The following PDE10A variants were observed in gnomAD, a reference collection of about 807,000 sequenced individuals.
PDE10A encodes the protein cAMP and cAMP-inhibited cGMP 3',5'-cyclic phosphodiesterase 10A.
Under a neutral mutation model 97.7 loss-of-function variants are expected in PDE10A, and 39 were observed. That is an observed-to-expected ratio of 0.40 (90% CI 0.31 to 0.52). The LOEUF (loss-of-function observed/expected upper bound fraction) is 0.52. Among genes scored for constraint, PDE10A ranks in the 20% least tolerant of loss-of-function variants. The probability of loss-of-function intolerance (pLI) is 0.56; values close to 1 mark genes in which losing one functional copy is unlikely to be tolerated. For synonymous variants in PDE10A, 371 were observed against 376.8 expected (o/e 0.98, Z 0.18); for missense variants, 731 against 1,047.8 (o/e 0.70, Z 4.17).
chr6:165,746,558 A>G (rs542220102), intron 1 of PDE10A, among the ~76,000 whole-genome samples: 1 of 152,330 alleles, frequency 6.6e-6, no homozygotes, highest in South Asian at 2.1e-4. Flanking sequence ...GTGTGTCCCG[A>G]GTGCCAGACC....
intron 3 of PDE10A, among the ~76,000 whole-genome samples, chr6:165,473,036 T>C (rs1779101995): frequency 6.6e-6 from 1 of 152,114 alleles, no homozygotes; most frequent in African/African-American, 2.4e-5. Flanking sequence ...TATACATAAA[T>C]ATAACCAGTC....
chr6:165,948,495 C>G (rs952029193), intron 1 of PDE10A: 2 of 152,382 alleles, frequency 1.3e-5, no homozygotes, highest in Admixed American at 6.5e-5. Context: ...GAGGAGACCT[C>G]ATGGAGTGCT....
At chr6:165,353,231 G>A (rs1322842671) in intron 18 of PDE10A, among the ~76,000 whole-genome samples, 1 of 152,148 alleles carries the variant, frequency 6.6e-6, no homozygotes, top group Non-Finnish European at 1.5e-5. Context: ...ATTCATTGCT[G>A]GTGGGAATGC....
intron 2 of PDE10A, among the ~76,000 whole-genome samples, chr6:165,521,127 G>A (rs1782105515): frequency 6.6e-6 from 1 of 152,094 alleles, no homozygotes; most frequent in African/African-American, 2.4e-5. Flanking sequence ...CTGTTATAGT[G>A]ATCTGTAATC....
At chr6:165,646,967 A>G (rs979984773) in intron 1 of PDE10A, among the ~76,000 whole-genome samples, 7 of 152,206 alleles carry the variant, frequency 4.6e-5, no homozygotes, top group African/African-American at 1.7e-4. Flanking sequence ...GCTTTGTTTC[A>G]GATAAAGGCA....
intron 1 of PDE10A, among the ~76,000 whole-genome samples, chr6:165,894,880 C>A (rs193229486): frequency 1.3e-5 from 2 of 152,186 alleles, no homozygotes; most frequent in African/African-American, 4.8e-5. Flanking sequence ...TGGCTCTCAA[C>A]CTGGGGTAAG....
chr6:165,537,082 T>C (rs1402475782), intron 2 of PDE10A, among the ~76,000 whole-genome samples: 1 of 151,874 alleles, frequency 6.6e-6, no homozygotes, highest in Non-Finnish European at 1.5e-5. Flanking sequence ...GAAAATGTGA[T>C]ATATACAAAA....
chr6:165,619,639 G>A (rs1435433781), intron 1 of PDE10A, among the ~76,000 whole-genome samples: 1 of 125,012 alleles, frequency 8.0e-6, no homozygotes, highest in Non-Finnish European at 1.8e-5. Context: ...ATAGTGTAGT[G>A]TAGTATAGTC....
chr6:165,476,174 A>T (rs1779284564), intron 3 of PDE10A, among the ~76,000 whole-genome samples: 1 of 152,338 alleles, frequency 6.6e-6, no homozygotes, highest in South Asian at 2.1e-4. Context: ...AAGAAAAAAA[A>T]AAACCAAAAA....
At chr6:165,536,962 A>T (rs1783125232) in intron 2 of PDE10A, among the ~76,000 whole-genome samples, 1 of 152,070 alleles carries the variant, frequency 6.6e-6, no homozygotes, top group Non-Finnish European at 1.5e-5. Context: ...CAAAGAAAGG[A>T]AATCAGCATA....
At position 165,556,260 on chromosome 6, in the gene PDE10A, C is replaced by T. The variant is rs907410226; in HGVS notation, c.866-12692G>A. Among the ~76,000 whole-genome samples the T allele has an allele frequency of 3.3e-5, 5 of 152,088 alleles. 1 individual carries two copies. Among genetic ancestry groups the T allele is most frequent in the South Asian group, 4.1e-4 (2 of 4,820 alleles). On this transcript the variant is annotated intron_variant, in intron 1 of 21. Transcript: ENST00000539869. ...AAAACAACACTCCACAGAGTGCTGG[C>T]GGTTAAGACCAGCTTAAGGCAAATA...
intron 1 of PDE10A, among the ~76,000 whole-genome samples, chr6:165,981,554 T>TGAG (rs1461971768): frequency 6.6e-6 from 1 of 152,236 alleles, no homozygotes; most frequent in African/African-American, 2.4e-5. Context: ...GAGTGAGGAC[T>TGAG]GAGGCCTCTG....
At chr6:165,950,739 T>C (rs1057001044) in intron 1 of PDE10A, among the ~76,000 whole-genome samples, 1 of 97,102 alleles carries the variant, frequency 1.0e-5, no homozygotes, top group Non-Finnish European at 2.0e-5. Flanking sequence ...CAGCTGAGCC[T>C]TGGAAGTCTA....
At chr6:165,599,681 T>C (rs1786817740) in intron 1 of PDE10A, among the ~76,000 whole-genome samples, 1 of 152,218 alleles carries the variant, frequency 6.6e-6, no homozygotes, top group Non-Finnish European at 1.5e-5. Context: ...GTTATTATCA[T>C]GTGAGCAAGC....
chr6:165,590,975 C>G (rs1413576972), intron 1 of PDE10A, among the ~76,000 whole-genome samples: 1 of 152,138 alleles, frequency 6.6e-6, no homozygotes, highest in Non-Finnish European at 1.5e-5. Flanking sequence ...TTCCCCTCAG[C>G]TAACAAAGTA....
chr6:165,404,042 G>A (rs1304331257), intron 13 of PDE10A, among the ~76,000 whole-genome samples: 1 of 152,124 alleles, frequency 6.6e-6, no homozygotes, highest in African/African-American at 2.4e-5. Flanking sequence ...AATTTATTGT[G>A]TATTTCAAAA....
intron 3 of PDE10A, among the ~76,000 whole-genome samples, chr6:165,462,001 T>C (rs1328404568): frequency 1.3e-5 from 2 of 152,270 alleles, no homozygotes; most frequent in Non-Finnish European, 2.9e-5. Flanking sequence ...TGGATATCTT[T>C]TCTCACTTTG....
At chr6:165,952,484 C>T (rs11752487) in intron 1 of PDE10A, among the ~76,000 whole-genome samples, 1 of 152,286 alleles carries the variant, frequency 6.6e-6, no homozygotes, top group African/African-American at 2.4e-5. Context: ...TACACACACA[C>T]ATTTGCAAAT....
chr6:165,747,296 A>C (rs1032875636), intron 1 of PDE10A, among the ~76,000 whole-genome samples: 4 of 152,226 alleles, frequency 2.6e-5, no homozygotes, highest in Non-Finnish European at 5.9e-5. Flanking sequence ...AGAGATACAT[A>C]GGCTTCCAAG....
Sources: gnomAD v4.1 joint callset for allele counts (sites outside exome capture counted in the v4.1 genomes callset) on GRCh38, gnomAD v4.1.1 for gene constraint, MANE v1.5 for transcripts, NCBI Gene and HGNC (gene_info 2026-07-23, HGNC 2026-07-21) for gene names.